Variants in CPQ observed in about 807,000 individuals in gnomAD.
CPQ encodes the protein carboxypeptidase Q.
CPQ carries 37 observed loss-of-function variants against 45.7 expected under a neutral mutation model. The observed-to-expected ratio is 0.81, with a 90% CI of 0.62 to 1.07. CPQ has a LOEUF of 1.07. Ranked by LOEUF, CPQ falls within the 50% of genes least tolerant of loss-of-function variation. CPQ has a pLI of 0.00. For synonymous variants in CPQ, 186 were observed against 205.8 expected (o/e 0.90, Z 0.82); for missense variants, 537 against 572.9 (o/e 0.94, Z 0.64).
intron 5 of CPQ, among the ~76,000 whole-genome samples, chr8:96,999,226 T>C (rs1010956184): frequency 6.6e-6 from 1 of 151,232 alleles, no homozygotes; most frequent in African/African-American, 2.4e-5. Context: ...TCCTTTTTCT[T>C]ATCCTTTTTT....
At chr8:96,911,810 A>C (rs1441963735) in intron 4 of CPQ, among the ~76,000 whole-genome samples, 1 of 152,116 alleles carries the variant, frequency 6.6e-6, no homozygotes, top group Non-Finnish European at 1.5e-5. Flanking sequence ...TTTCCCTATT[A>C]TTTCTGCCAT....
chr8:96,730,866 C>CAT (rs35247469), intron 1 of CPQ, among the ~76,000 whole-genome samples: 7,997 of 68,844 alleles, frequency 0.12, 560 homozygotes, highest in Middle Eastern at 0.25. Context: ...ACCATACATA[C>CAT]ATATATATAT....
rs1563587284 is a variant in CPQ at position 97,123,158 on chromosome 8, A to AAAATAAAAT, written c.1256-19858_1256-19850dup. Among the ~76,000 whole-genome samples the AAAATAAAAT allele has an allele frequency of 7.7e-4, 93 of 120,584 alleles. 7 individuals carry two copies. The highest frequency in any genetic ancestry group is 3.0e-3 in the African/African-American group (85 of 28,366). The allele number at this position is 120,584 out of a possible 152,430, so 79.1% of individuals were successfully genotyped here. On this transcript the variant is annotated intron_variant, in intron 7 of 7. Transcript: ENST00000220763. ...TAAAATAAAATAAAATAAATAAAATAAAATAAAATAAAATAAAATATAAAA... is the reference window on the plus strand; with the variant it reads ...TAAAATAAAATAAAATAAATAAAATAAAATAAAATAAATAAAATAAAATAAAATATAAAA...
chr8:96,886,509 A>G (rs958824900), intron 4 of CPQ, among the ~76,000 whole-genome samples: 6 of 152,240 alleles, frequency 3.9e-5, no homozygotes, highest in African/African-American at 1.2e-4. Flanking sequence ...TGTTAACTCT[A>G]TAGAGGTTAT....
At chr8:96,958,929 C>G (rs942139374) in intron 4 of CPQ, among the ~76,000 whole-genome samples, 1 of 135,020 alleles carries the variant, frequency 7.4e-6, no homozygotes, top group Non-Finnish European at 1.6e-5. Context: ...AAAAAAAAAG[C>G]TTGAAGATAA....
At chr8:97,091,865 T>C (rs1586537070) in intron 7 of CPQ, among the ~76,000 whole-genome samples, 1 of 151,576 alleles carries the variant, frequency 6.6e-6, no homozygotes, top group Non-Finnish European at 1.5e-5. Context: ...GATGGATGGA[T>C]GGATGGATGG....
intron 2 of CPQ, among the ~76,000 whole-genome samples, chr8:96,823,281 T>C (rs921732834): frequency 6.6e-6 from 1 of 152,076 alleles, no homozygotes; most frequent in African/African-American, 2.4e-5. Flanking sequence ...CCACATTTTA[T>C]ACTCATGGTA....
intron 3 of CPQ, among the ~76,000 whole-genome samples, chr8:96,852,181 C>T (rs1224912683): frequency 6.6e-6 from 1 of 152,190 alleles, no homozygotes; most frequent in Non-Finnish European, 1.5e-5. Context: ...GAAATCACTC[C>T]TCCACTTGCC....
At chr8:97,107,820 G>A (rs931662610) in intron 7 of CPQ, among the ~76,000 whole-genome samples, 2 of 152,176 alleles carry the variant, frequency 1.3e-5, no homozygotes, top group Non-Finnish European at 1.5e-5. Flanking sequence ...TTGCTCATGA[G>A]AACAATCCAG....
At chr8:96,690,434 A>G (rs1006447174) in intron 1 of CPQ, among the ~76,000 whole-genome samples, 1 of 152,202 alleles carries the variant, frequency 6.6e-6, no homozygotes, top group Non-Finnish European at 1.5e-5. Context: ...GCCTTCAGAC[A>G]GATTTCTGAA....
chr8:97,097,170 A>C (rs749438868), intron 7 of CPQ, among the ~76,000 whole-genome samples: 2 of 152,198 alleles, frequency 1.3e-5, no homozygotes, highest in Non-Finnish European at 2.9e-5. Flanking sequence ...TTATTCAATA[A>C]GTCTATTCCC....
intron 1 of CPQ, among the ~76,000 whole-genome samples, chr8:96,741,840 T>C (rs551880140): frequency 5.2e-4 from 78 of 149,072 alleles, no homozygotes; most frequent in African/African-American, 1.7e-3. Flanking sequence ...GTCTGAGAGA[T>C]AGTTTGTTAT....
chr8:97,078,869 C>G (rs1447563323), intron 7 of CPQ, among the ~76,000 whole-genome samples: 1 of 150,708 alleles, frequency 6.6e-6, no homozygotes, highest in Non-Finnish European at 1.5e-5. Flanking sequence ...ACATTCATAG[C>G]TCACTGCAAC....
At chr8:96,771,553 G>C (rs937343244) in intron 1 of CPQ, among the ~76,000 whole-genome samples, 1 of 152,218 alleles carries the variant, frequency 6.6e-6, no homozygotes, top group Middle Eastern at 3.4e-3. Flanking sequence ...AAAAAGTACA[G>C]TCTGGATGCT....
At chr8:96,866,015 T>C (rs1811991591) in intron 3 of CPQ, among the ~76,000 whole-genome samples, 1 of 152,060 alleles carries the variant, frequency 6.6e-6, no homozygotes, top group African/African-American at 2.4e-5. Flanking sequence ...ATGAAATGGT[T>C]GTACTTAGAG....
intron 1 of CPQ, among the ~76,000 whole-genome samples, chr8:96,716,920 TAC>T (rs926915927): frequency 4.8e-5 from 7 of 146,002 alleles, no homozygotes; most frequent in African/African-American, 7.6e-5. Flanking sequence ...CACACACACA[TAC>T]ACACACACAC....
intron 4 of CPQ, among the ~76,000 whole-genome samples, chr8:96,917,394 T>A (rs1406428829): frequency 6.6e-6 from 1 of 152,166 alleles, no homozygotes; most frequent in Non-Finnish European, 1.5e-5. Context: ...CATTGGGAAC[T>A]CTTTCAGTGG....
At chr8:97,001,064 G>A (rs780713166) in intron 5 of CPQ, among the ~76,000 whole-genome samples, 2 of 152,006 alleles carry the variant, frequency 1.3e-5, no homozygotes, top group African/African-American at 4.8e-5. Flanking sequence ...ATATAGGAAG[G>A]TTAGCGATTT....
rs113328774 is a variant in CPQ, at chr8:96,779,507, T to C, written c.-34-5357T>C. 1.2e-3 allele frequency among the ~76,000 whole-genome samples: 178 copies of C among 152,254 alleles called. 1 individual carries two copies. The highest frequency in any genetic ancestry group is 3.4e-3 in the African/African-American group (143 of 41,548). On this transcript the variant is annotated intron_variant, in intron 1 of 7. Transcript: ENST00000220763. ...AGTCAAATTACCTGGTTGATTATAGTTTCAGGTTTATCTGCTGCCTGGGAA... is the reference window on the plus strand; with the variant it reads ...AGTCAAATTACCTGGTTGATTATAGCTTCAGGTTTATCTGCTGCCTGGGAA...
Sources: gnomAD v4.1 joint callset for allele counts (sites outside exome capture counted in the v4.1 genomes callset) on GRCh38, gnomAD v4.1.1 for gene constraint, MANE v1.5 for transcripts, NCBI Gene and HGNC (gene_info 2026-07-23, HGNC 2026-07-21) for gene names.